ANO3: variants seen among roughly 807,000 people sequenced by gnomAD.
ANO3 encodes the protein anoctamin 3, also known as anoctamin-3.
ANO3 carries 99 observed loss-of-function variants against 144.8 expected under a neutral mutation model. The ratio of observed to expected loss-of-function variants is 0.68; its 90% CI spans 0.58 to 0.81. The LOEUF (loss-of-function observed/expected upper bound fraction) is 0.81. Among genes scored for constraint, ANO3 ranks in the 30% least tolerant of loss-of-function variants. The pLI is 0.00. For missense variants in ANO3, 905 were observed against 1,202.2 expected (o/e 0.75, Z 3.66); for synonymous variants, 414 against 392.6 (o/e 1.05, Z -0.64).
chr11:26,390,626 A>C (rs577548829), intron 1 of ANO3, among the ~76,000 whole-genome samples: 2 of 152,304 alleles, frequency 1.3e-5, no homozygotes, highest in East Asian at 3.9e-4. Flanking sequence ...GAACTTCATA[A>C]TGTAAGCACA....
chr11:26,445,029 T>G (rs574041949), intron 3 of ANO3, among the ~76,000 whole-genome samples: 1 of 152,202 alleles, frequency 6.6e-6, no homozygotes, highest in East Asian at 1.9e-4. Flanking sequence ...TATCCAAAAT[T>G]CTTGAGACCA....
chr11:26,575,368 T>A (rs1850959502), intron 14 of ANO3, among the ~76,000 whole-genome samples: 1 of 151,870 alleles, frequency 6.6e-6, no homozygotes, highest in Admixed American at 6.6e-5. Flanking sequence ...ATCTCATTTT[T>A]AAAATTATTT....
At chr11:26,339,594 C>T (rs1472263570) in intron 1 of ANO3, among the ~76,000 whole-genome samples, 1 of 152,134 alleles carries the variant, frequency 6.6e-6, no homozygotes, top group Non-Finnish European at 1.5e-5. Context: ...TAGCTAGTTT[C>T]CTTGCTCTAC....
At chr11:26,248,993 T>C (rs1432925745) in intron 1 of ANO3, among the ~76,000 whole-genome samples, 1 of 152,228 alleles carries the variant, frequency 6.6e-6, no homozygotes, top group Non-Finnish European at 1.5e-5. Flanking sequence ...CCTGCCTCTG[T>C]GGAAATATCG....
At chr11:26,312,997 A>G (rs1854535917) in intron 1 of ANO3, among the ~76,000 whole-genome samples, 1 of 152,328 alleles carries the variant, frequency 6.6e-6, no homozygotes, top group Middle Eastern at 3.4e-3. Context: ...TTCTTCAGAG[A>G]GAGTGTACTT....
In ANO3 at chr11:26,534,446, A is replaced by T; in HGVS notation, c.870-10A>T. 1 of 1,586,404 alleles carries T rather than the reference A, an allele frequency of 6.3e-7. No homozygotes were observed. ...CTTTGAATATTAAACCAATCCCCTC[A>T]TCTTAACAGCTTCATAATAAATAAT... On this transcript the variant is annotated splice_polypyrimidine_tract_variant and intron_variant, in intron 8 of 26. Transcript: ENST00000256737.
chr11:26,565,544 G>A (rs1359596588), intron 14 of ANO3: 3 of 1,613,330 alleles, frequency 1.9e-6, no homozygotes, highest in Admixed American at 1.7e-5. Context: ...TTGTGGAAAT[G>A]GTAGATGTGG....
intron 14 of ANO3, among the ~76,000 whole-genome samples, chr11:26,563,515 C>T (rs2134257545): frequency 6.6e-6 from 1 of 151,096 alleles, no homozygotes; most frequent in South Asian, 2.1e-4. Flanking sequence ...CATTGAAATA[C>T]TTCTAAGTCT....
At chr11:26,406,382 C>T (rs1341713285) in intron 1 of ANO3, among the ~76,000 whole-genome samples, 2 of 151,826 alleles carry the variant, frequency 1.3e-5, no homozygotes, top group African/African-American at 2.4e-5. Context: ...TAAGTTTCAA[C>T]ATGAATTTTG....
At chr11:26,410,639 G>A (rs1857404684) in intron 1 of ANO3, among the ~76,000 whole-genome samples, 1 of 152,002 alleles carries the variant, frequency 6.6e-6, no homozygotes, top group Admixed American at 6.6e-5. Context: ...AATATTTGAA[G>A]AGCTGTCACA....
intron 1 of ANO3, among the ~76,000 whole-genome samples, chr11:26,339,392 G>C (rs1315982804): frequency 6.6e-6 from 1 of 152,106 alleles, no homozygotes; most frequent in East Asian, 1.9e-4. Context: ...TGACCCAGGC[G>C]ATCCGCCTGC....
chr11:26,481,886 C>T (rs552585164), intron 4 of ANO3, among the ~76,000 whole-genome samples: 25 of 151,904 alleles, frequency 1.6e-4, no homozygotes, highest in African/African-American at 5.1e-4. Context: ...TTTCTTTTTT[C>T]CTTTCTTTTT....
intron 3 of ANO3, among the ~76,000 whole-genome samples, chr11:26,458,084 T>C (rs184287598): frequency 2.4e-3 from 371 of 152,218 alleles, no homozygotes; most frequent in African/African-American, 8.5e-3. Flanking sequence ...GTATTGTAAT[T>C]TAGTGCTATT....
intron 17 of ANO3, among the ~76,000 whole-genome samples, chr11:26,610,539 T>A (rs974759327): frequency 1.3e-5 from 2 of 152,110 alleles, no homozygotes; most frequent in Admixed American, 6.6e-5. Context: ...GTGGTCTCAT[T>A]TGTCTATTTT....
intron 14 of ANO3, among the ~76,000 whole-genome samples, chr11:26,588,751 A>ATCAC (rs374514202): frequency 3.9e-5 from 6 of 152,280 alleles, no homozygotes; most frequent in African/African-American, 1.4e-4. Flanking sequence ...CAGCCTAGGA[A>ATCAC]TCACTGTATG....
intron 14 of ANO3, among the ~76,000 whole-genome samples, chr11:26,577,025 T>C (rs561152322): frequency 6.6e-6 from 1 of 152,306 alleles, no homozygotes; most frequent in Non-Finnish European, 1.5e-5. Flanking sequence ...TTTTTTTCAC[T>C]TAAGGACATT....
At chr11:26,412,159 A>C (rs971009808) in intron 1 of ANO3, among the ~76,000 whole-genome samples, 3 of 152,082 alleles carry the variant, frequency 2.0e-5, no homozygotes, top group African/African-American at 7.2e-5. Flanking sequence ...GGAGAAATAC[A>C]AGGCTAGCTT....
chr11:26,226,343 C>T (rs950627264), intron 1 of ANO3, among the ~76,000 whole-genome samples: 1 of 151,704 alleles, frequency 6.6e-6, no homozygotes, highest in African/African-American at 2.4e-5. Flanking sequence ...TAAACTATTA[C>T]ATTATTTAAA....
chr11:26,452,388 A>G (rs1367386692), intron 3 of ANO3, among the ~76,000 whole-genome samples: 2 of 152,194 alleles, frequency 1.3e-5, no homozygotes, highest in Non-Finnish European at 2.9e-5. Context: ...TGCTTAAAGG[A>G]GCTGATGGAG....
Sources: allele counts gnomAD v4.1 joint callset (sites outside exome capture counted in the v4.1 genomes callset), GRCh38; gene constraint gnomAD v4.1.1; transcripts MANE v1.5; gene names NCBI Gene and HGNC (gene_info 2026-07-23, HGNC 2026-07-21).